ADAM22: variants seen among roughly 807,000 people sequenced by gnomAD.
ADAM22 encodes the protein disintegrin and metalloproteinase domain-containing protein 22.
A neutral mutation model predicts 144.6 loss-of-function variants in ADAM22; 65 were observed. That is an observed-to-expected ratio of 0.45 (90% CI 0.37 to 0.55). The LOEUF (loss-of-function observed/expected upper bound fraction) is 0.55. ADAM22 is among the 20% of genes least tolerant of loss of function. ADAM22 has a pLI of 0.00. For synonymous variants in ADAM22, 391 were observed against 412.6 expected (o/e 0.95, Z 0.63); for missense variants, 974 against 1,184.9 (o/e 0.82, Z 2.61).
chr7:87,984,769 C>T (rs1688894), intron 3 of ADAM22, among the ~76,000 whole-genome samples: 86,443 of 151,890 alleles, frequency 0.57, 25,265 homozygotes, highest in African/African-American at 0.68. Flanking sequence ...CAGCCTCAAC[C>T]CCCTGGGCTC....
chr7:88,079,334 C>T (rs549493890), intron 4 of ADAM22, among the ~76,000 whole-genome samples: 64 of 152,292 alleles, frequency 4.2e-4, no homozygotes, highest in Non-Finnish European at 4.3e-4. Context: ...CCTACAAGAG[C>T]TCCTGAAGGA....
chr7:87,948,080 G>C (rs1346942605), intron 2 of ADAM22, among the ~76,000 whole-genome samples: 1 of 151,856 alleles, frequency 6.6e-6, no homozygotes, highest in East Asian at 1.9e-4. Context: ...CTCAATATAG[G>C]CTCTGTCACT....
chr7:88,073,189 G>A (rs1813285488), intron 3 of ADAM22, among the ~76,000 whole-genome samples: 1 of 152,190 alleles, frequency 6.6e-6, no homozygotes, highest in South Asian at 2.1e-4. Flanking sequence ...GCCATATAAT[G>A]TAATTCTGGC....
chr7:87,943,416 A>G (rs1000296558), intron 2 of ADAM22, among the ~76,000 whole-genome samples: 2 of 152,028 alleles, frequency 1.3e-5, no homozygotes, highest in Non-Finnish European at 2.9e-5. Context: ...GTGGTTTCCC[A>G]TTTATCTCTG....
intron 3 of ADAM22, among the ~76,000 whole-genome samples, chr7:87,999,458 T>G (rs1792020175): frequency 6.6e-6 from 1 of 152,220 alleles, no homozygotes; most frequent in Non-Finnish European, 1.5e-5. Context: ...AGTTAGCATG[T>G]GGAACTGGAA....
chr7:88,036,785 A>G (rs1290958888), intron 3 of ADAM22, among the ~76,000 whole-genome samples: 1 of 152,124 alleles, frequency 6.6e-6, no homozygotes, highest in Non-Finnish European at 1.5e-5. Flanking sequence ...AGTGACTGCA[A>G]TTTATAACAA....
At chr7:88,085,331 CAA>C (rs1203360616) in intron 4 of ADAM22, among the ~76,000 whole-genome samples, 22 of 152,258 alleles carry the variant, frequency 1.4e-4, no homozygotes, top group African/African-American at 5.1e-4. Context: ...AGTGTTATTC[CAA>C]ATTTAACAAT....
At chr7:88,160,895 A>G (rs1040899135) in intron 22 of ADAM22, among the ~76,000 whole-genome samples, 3 of 152,106 alleles carry the variant, frequency 2.0e-5, no homozygotes, top group Non-Finnish European at 4.4e-5. Context: ...GTTCTCACTC[A>G]TAGGTGGGAA....
intron 18 of ADAM22, among the ~76,000 whole-genome samples, chr7:88,149,658 C>T (rs1366324452): frequency 6.6e-6 from 1 of 152,130 alleles, no homozygotes; most frequent in Non-Finnish European, 1.5e-5. Flanking sequence ...TGAGACTATG[C>T]AAAGTCATTT....
At position 88,202,033 on chromosome 7, in the gene ADAM22, A is replaced by T. The variant is rs1851238130; in HGVS notation, c.*5542A>T. 1 of 152,184 alleles carries T rather than the reference A, an allele frequency of 6.6e-6. No individual in the cohort carries two copies. Among genetic ancestry groups the T allele is most frequent in the South Asian group, 2.1e-4 (1 of 4,830 alleles). 9.4% of individuals were successfully genotyped at this position (152,184 alleles called of 1,614,324 possible). ...TGCTAAGTTGAACAAGTAACACAAT[A>T]CAGAAAATGCTGATATGAATACTTA... is the stretch of plus-strand genomic sequence containing the variant. On this transcript the variant is annotated 3_prime_UTR_variant, in exon 32 of 32. Transcript: ENST00000413139.
intron 2 of ADAM22, among the ~76,000 whole-genome samples, chr7:87,965,588 TACA>T (rs1848877638): frequency 6.6e-6 from 1 of 152,244 alleles, no homozygotes; most frequent in East Asian, 1.9e-4. Context: ...TGGGATTTTG[TACA>T]ACATTATTTC....
At chr7:88,070,079 T>G (rs1812328161) in intron 3 of ADAM22, among the ~76,000 whole-genome samples, 1 of 152,178 alleles carries the variant, frequency 6.6e-6, no homozygotes, top group African/African-American at 2.4e-5. Flanking sequence ...TTGAACTGAC[T>G]GTCCATTTTG....
chr7:88,185,336 A>G (rs1848052643), intron 29 of ADAM22, among the ~76,000 whole-genome samples: 1 of 152,222 alleles, frequency 6.6e-6, no homozygotes, highest in African/African-American at 2.4e-5. Flanking sequence ...ATGGCTAAAA[A>G]TGAGGGAAAG....
At position 88,181,993 on chromosome 7, in the gene ADAM22, A is replaced by C. The variant is rs780471049; in HGVS notation, c.2632A>C (p.Lys878Gln). The change falls in exon 29 of 32, where the codon AAA becomes CAA. Residue 878 changes from lysine to glutamine, a missense_variant. Physicochemically the swap from Lys to Gln is moderately conservative, Grantham distance 53. This residue lies in a region of ADAM22 where 734 missense variants were observed against 950.6 expected (regional missense o/e 0.77). Coordinates refer to ENST00000413139, the MANE Select transcript of ADAM22 (RefSeq NM_001324418.2). ...LGGNKKKIRG[K>Q]RFRPRSNSTE... is the part of the protein sequence containing the mutation. ...AGGCAACAAAAAGAAAATCAGAGGC[A>C]AAAGATTTAGACCTCGGTCTAATTC... The C allele has an allele frequency of 6.2e-7, 1 of 1,613,880 alleles. No individual in the cohort carries two copies. Among genetic ancestry groups the C allele is most frequent in the Admixed American group, 1.7e-5 (1 of 59,998 alleles).
intron 3 of ADAM22, among the ~76,000 whole-genome samples, chr7:88,014,675 T>C (rs773553791): frequency 6.6e-6 from 1 of 152,170 alleles, no homozygotes; most frequent in Non-Finnish European, 1.5e-5. Flanking sequence ...AAAAAAGTTA[T>C]ATACTTTCTG....
chr7:87,960,292 T>C (rs1400966063), intron 2 of ADAM22, among the ~76,000 whole-genome samples: 1 of 152,178 alleles, frequency 6.6e-6, no homozygotes, highest in Non-Finnish European at 1.5e-5. Context: ...TTAAGCATCA[T>C]ATGTTCACTG....
chr7:88,178,487 G>C (rs1846231913), intron 26 of ADAM22, among the ~76,000 whole-genome samples: 1 of 151,952 alleles, frequency 6.6e-6, no homozygotes, highest in African/African-American at 2.4e-5. Flanking sequence ...GTTCTTTTCA[G>C]ACCAAATCCA....
intron 22 of ADAM22, among the ~76,000 whole-genome samples, chr7:88,162,154 T>TA: frequency 1.5e-5 from 2 of 136,624 alleles, no homozygotes; most frequent in East Asian, 4.8e-4. Context: ...TATGCAGCCA[T>TA]AAAAAAGAAC....
intron 14 of ADAM22, among the ~76,000 whole-genome samples, chr7:88,137,051 A>G (rs1428792282): frequency 6.6e-6 from 1 of 152,136 alleles, no homozygotes; most frequent in Non-Finnish European, 1.5e-5. Flanking sequence ...GGTAACCACC[A>G]TCTAAGTTTG....
Sources: allele counts gnomAD v4.1 joint callset (sites outside exome capture counted in the v4.1 genomes callset), GRCh38; gene constraint gnomAD v4.1.1; regional missense constraint gnomAD v4.1.1; transcripts MANE v1.5; gene names NCBI Gene and HGNC (gene_info 2026-07-23, HGNC 2026-07-21).